Variants in RBPMS observed in about 807,000 individuals in gnomAD.
RBPMS encodes the protein RNA-binding protein with multiple splicing.
Under a neutral mutation model 26.8 loss-of-function variants are expected in RBPMS, and 7 were observed. The ratio of observed to expected loss-of-function variants is 0.26; its 90% CI spans 0.15 to 0.49. RBPMS has a LOEUF of 0.49. RBPMS is among the 20% of genes least tolerant of loss of function. The probability of loss-of-function intolerance (pLI) is 0.98; values close to 1 mark genes in which losing one functional copy is unlikely to be tolerated. For synonymous variants in RBPMS, 96 were observed against 93.3 expected, an observed-to-expected ratio of 1.03 and a Z score of -0.17; for missense variants, 186 against 250.0, an observed-to-expected ratio of 0.74 and a Z score of 1.73.
intron 5 of RBPMS, among the ~76,000 whole-genome samples, chr8:30,536,462 C>T (rs1258973203): frequency 6.6e-6 from 1 of 152,102 alleles, no homozygotes; most frequent in Non-Finnish European, 1.5e-5. Context: ...TAGAGATGTA[C>T]CCAAGCAGCA....
intron 6 of RBPMS, among the ~76,000 whole-genome samples, chr8:30,557,181 G>A (rs1827006768): frequency 6.6e-6 from 1 of 152,216 alleles, no homozygotes; most frequent in Admixed American, 6.5e-5. Context: ...CAGGCAGCCT[G>A]ACGGAGTCGT....
At chr8:30,455,764 C>T (rs866860670) in intron 1 of RBPMS, among the ~76,000 whole-genome samples, 1 of 152,112 alleles carries the variant, frequency 6.6e-6, no homozygotes, top group Non-Finnish European at 1.5e-5. Flanking sequence ...GTGGTGGGCG[C>T]CTGTAGTCGC....
intron 6 of RBPMS, chr8:30,545,161 C>G: frequency 2.3e-6 from 3 of 1,303,948 alleles, no homozygotes; most frequent in Non-Finnish European, 3.0e-6. Context: ...TCTCCATTTT[C>G]AGGAAACCCT....
intron 5 of RBPMS, among the ~76,000 whole-genome samples, chr8:30,507,393 C>G (rs1344094821): frequency 6.6e-6 from 1 of 152,156 alleles, no homozygotes; most frequent in East Asian, 1.9e-4. Context: ...AAGTACTAGG[C>G]AAACGTAAAG....
chr8:30,488,546 T>C (rs539092097), intron 4 of RBPMS, among the ~76,000 whole-genome samples: 3 of 152,064 alleles, frequency 2.0e-5, no homozygotes, highest in Admixed American at 2.0e-4. Context: ...AATAAATGAG[T>C]GACAAAATGA....
At chr8:30,489,803 TTTTTG>T (rs1021136082) in intron 4 of RBPMS, among the ~76,000 whole-genome samples, 2 of 150,768 alleles carry the variant, frequency 1.3e-5, no homozygotes, top group African/African-American at 2.5e-5. Flanking sequence ...ATACTGGTGT[TTTTTG>T]TTTTGTTTTG....
chr8:30,541,622 T>G (rs1407534583), intron 5 of RBPMS, among the ~76,000 whole-genome samples: 1 of 152,096 alleles, frequency 6.6e-6, no homozygotes, highest in Non-Finnish European at 1.5e-5. Context: ...GAGCCTCTTT[T>G]GTCAAGAGGA....
intron 4 of RBPMS, among the ~76,000 whole-genome samples, chr8:30,487,600 A>C (rs1462099156): frequency 6.6e-6 from 1 of 152,158 alleles, no homozygotes; most frequent in Non-Finnish European, 1.5e-5. Context: ...TTTTAATGAG[A>C]AAATTACAAA....
At chr8:30,526,340 A>G (rs1010865600) in intron 5 of RBPMS, among the ~76,000 whole-genome samples, 2 of 152,134 alleles carry the variant, frequency 1.3e-5, no homozygotes, top group African/African-American at 4.8e-5. Context: ...CACCTTAACC[A>G]TCTCTTTCTT....
chr8:30,558,830 G>T (rs755354865), intron 6 of RBPMS, 57 bp from the exon 7 acceptor site: 42 of 1,454,578 alleles, frequency 2.9e-5, no homozygotes, highest in Non-Finnish European at 3.4e-5. Context: ...GACCCTCCGT[G>T]AGAATGGGGA....
intron 1 of RBPMS, among the ~76,000 whole-genome samples, chr8:30,430,277 A>G (rs1175192013): frequency 2.0e-5 from 3 of 152,164 alleles, no homozygotes; most frequent in Admixed American, 2.0e-4. Flanking sequence ...GAAGTCTTAT[A>G]TGTCCCCCTG....
At chr8:30,569,430 A>AGAG (rs1828117149) in intron 8 of RBPMS, among the ~76,000 whole-genome samples, 2 of 152,336 alleles carry the variant, frequency 1.3e-5, no homozygotes, top group Admixed American at 1.3e-4. Context: ...TAAGATCTCC[A>AGAG]GAGGCATGAG....
intron 5 of RBPMS, among the ~76,000 whole-genome samples, chr8:30,507,844 A>G (rs1821222758): frequency 6.6e-6 from 1 of 152,188 alleles, no homozygotes; most frequent in South Asian, 2.1e-4. Context: ...GCTGTGTGCC[A>G]GATCCTCTCC....
At chr8:30,407,963 C>A (rs4733184) in intron 1 of RBPMS, among the ~76,000 whole-genome samples, 42,047 of 150,500 alleles carry the variant, frequency 0.28, 7,404 homozygotes, top group East Asian at 0.7. Context: ...CTCTCAGGAT[C>A]CTGCCTCCCT....
intron 6 of RBPMS, chr8:30,545,272 T>C (rs1030423244): frequency 6.6e-6 from 8 of 1,213,136 alleles, no homozygotes; most frequent in Non-Finnish European, 8.4e-6. Flanking sequence ...AATAGCCTGA[T>C]TTTTATAAAC....
intron 1 of RBPMS, among the ~76,000 whole-genome samples, chr8:30,464,652 G>A (rs1285671813): frequency 6.6e-6 from 1 of 152,182 alleles, no homozygotes; most frequent in Non-Finnish European, 1.5e-5. Context: ...TGAACTCTGT[G>A]TTGTCTGGGT....
At chr8:30,424,726 C>G (rs1811161650) in intron 1 of RBPMS, among the ~76,000 whole-genome samples, 1 of 152,076 alleles carries the variant, frequency 6.6e-6, no homozygotes, top group African/African-American at 2.4e-5. Context: ...AGAATTTGAT[C>G]TAGAAAGAAG....
chr8:30,432,182 C>T (rs1812016860), intron 1 of RBPMS, among the ~76,000 whole-genome samples: 1 of 152,116 alleles, frequency 6.6e-6, no homozygotes, highest in South Asian at 2.1e-4. Flanking sequence ...TTCTTTTGAA[C>T]CAACCAATCT....
rs1355269024 is a variant in RBPMS, at chr8:30,571,516, G to A, written c.*991G>A. The A allele has an allele frequency of 6.6e-6, 1 of 152,272 alleles. No individual in the cohort carries two copies. Among genetic ancestry groups the A allele is most frequent in the Non-Finnish European group, 1.5e-5 (1 of 68,076 alleles). 9.4% of individuals were successfully genotyped at this position (152,272 alleles called of 1,614,324 possible). A position where few individuals can be genotyped will look rare whatever the true frequency, so the allele number is the denominator to read the frequency against. ...CCCTTGAAGGGGTTGGCTGTGCCCA[G>A]CCCACCTGGCTGCAGTGGGCAGCTC... On this transcript the variant is annotated 3_prime_UTR_variant, in exon 9 of 9. Transcript: ENST00000397323.
Sources: gnomAD v4.1 joint callset for allele counts (sites outside exome capture counted in the v4.1 genomes callset) on GRCh38, gnomAD v4.1.1 for gene constraint, MANE v1.5 for transcripts, NCBI Gene and HGNC (gene_info 2026-07-23, HGNC 2026-07-21) for gene names.